The following ADRA1B variants were observed in gnomAD, a reference collection of about 807,000 sequenced individuals.
ADRA1B encodes the protein adrenoceptor alpha 1B.
In ADRA1B, 17 loss-of-function variants were observed where a neutral mutation model predicts 17.9. The observed-to-expected ratio is 0.95, with a 90% CI of 0.65 to 1.42. The LOEUF is 1.42. ADRA1B is among the 40% of genes most tolerant of loss of function. The probability of loss-of-function intolerance (pLI) is 0.00; values close to 1 mark genes in which losing one functional copy is unlikely to be tolerated. For missense variants in ADRA1B, 681 were observed against 722.1 expected (o/e 0.94, Z 0.65); for synonymous variants, 366 against 327.6 (o/e 1.12, Z -1.27).
At chr5:159,951,587 G>C in intron 1 of ADRA1B, 1 of 468,374 alleles carries the variant, frequency 2.1e-6, no homozygotes, top group South Asian at 2.0e-5. Flanking sequence ...GGAGAATTTA[G>C]CACGGTCTGG....
At chr5:159,925,452 T>A (rs75398586) in intron 1 of ADRA1B, among the ~76,000 whole-genome samples, 4,043 of 152,290 alleles carry the variant, frequency 0.027, 80 homozygotes, top group Non-Finnish European at 0.036. Context: ...TTTAGAGGAC[T>A]TTTTTACAGT....
At chr5:159,912,064 G>A (rs1754231707), upstream of ADRA1B, among the ~76,000 whole-genome samples, 3 of 152,122 alleles carry the variant, frequency 2.0e-5, no homozygotes, top group Admixed American at 2.0e-4. Context: ...TGTACAGAAG[G>A]CACTTTGGGC....
At chr5:159,958,231 G>T (rs1755601701) in intron 1 of ADRA1B, among the ~76,000 whole-genome samples, 1 of 152,034 alleles carries the variant, frequency 6.6e-6, no homozygotes, top group South Asian at 2.1e-4. Flanking sequence ...TTATTTTAAT[G>T]TAAGAAATAA....
intron 1 of ADRA1B, among the ~76,000 whole-genome samples, chr5:159,939,328 C>CGT (rs1561600759): frequency 8.1e-5 from 10 of 123,960 alleles, no homozygotes; most frequent in South Asian, 2.4e-4. Flanking sequence ...TGTGTGCGCG[C>CGT]GCGCGCGCAC....
intron 1 of ADRA1B, among the ~76,000 whole-genome samples, chr5:159,886,361 T>C (rs1388260821): frequency 6.6e-6 from 1 of 152,192 alleles, no homozygotes; most frequent in African/African-American, 2.4e-5. Context: ...AAGAGAGACA[T>C]GTGAATCTCC....
chr5:159,929,089 A>G (rs1754734618), intron 1 of ADRA1B: 1 of 152,170 alleles, frequency 6.6e-6, no homozygotes, highest in Non-Finnish European at 1.5e-5. Flanking sequence ...TGGCAATCTG[A>G]TGAAGCCCCT....
At chr5:159,870,566 C>T (rs147143022) in intron 1 of ADRA1B, 100 of 152,210 alleles carry the variant, frequency 6.6e-4, no homozygotes, top group African/African-American at 2.4e-3. Context: ...TGTATAAACT[C>T]CTGTAAGTGA....
chr5:159,913,941 G>A (rs1286275710), upstream of ADRA1B, among the ~76,000 whole-genome samples: 1 of 152,086 alleles, frequency 6.6e-6, no homozygotes, highest in East Asian at 1.9e-4. Flanking sequence ...CAGGTTACTG[G>A]TATTCTCTTC....
intron 1 of ADRA1B, among the ~76,000 whole-genome samples, chr5:159,936,790 C>G (rs1209017118): frequency 1.3e-5 from 2 of 152,150 alleles, no homozygotes; most frequent in Admixed American, 6.5e-5. Context: ...CTCAGGAAGC[C>G]ACAGAGGCAG....
intron 1 of ADRA1B, among the ~76,000 whole-genome samples, chr5:159,933,769 T>G (rs1754876181): frequency 6.6e-6 from 1 of 152,228 alleles, no homozygotes. Flanking sequence ...GCAGCCCACA[T>G]CAGTGGTTTG....
intron 1 of ADRA1B, chr5:159,866,798 A>C (rs565823665): frequency 1.3e-5 from 2 of 152,180 alleles, no homozygotes; most frequent in East Asian, 3.9e-4. Flanking sequence ...AGTTCAGAAC[A>C]CTCTTAACAG....
chr5:159,967,623 CAA>C lies in ADRA1B; in HGVS notation c.950-4255_950-4254del, dbSNP rs1722306487. ...TTCTAAAGCTGAACAGCCAATAACT[CAA>C]GAGAGGTTTCAATACGGGTCTGTGT... is the stretch of plus-strand genomic sequence containing the variant. On this transcript the variant is annotated intron_variant, in intron 1 of 1. Transcript: ENST00000306675. Among the ~76,000 whole-genome samples the C allele has an allele frequency of 2.0e-5, 3 of 152,084 alleles. No individual in the cohort carries two copies. The South Asian group carries it at 6.2e-4, about 32-fold the overall frequency.
chr5:159,958,512 C>T (rs1191063180), intron 1 of ADRA1B, among the ~76,000 whole-genome samples: 1 of 152,136 alleles, frequency 6.6e-6, no homozygotes, highest in Admixed American at 6.5e-5. Context: ...TACCCATTTT[C>T]CTCATACCCA....
intron 1 of ADRA1B, among the ~76,000 whole-genome samples, chr5:159,893,669 G>A (rs150922078): frequency 3.3e-5 from 5 of 152,274 alleles, no homozygotes; most frequent in Admixed American, 6.5e-5. Flanking sequence ...TTTCTGCTGC[G>A]TGCAAGATGC....
chr5:159,866,241 C>T (rs558415082), intron 1 of ADRA1B, among the ~76,000 whole-genome samples: 2 of 148,582 alleles, frequency 1.3e-5, no homozygotes, highest in South Asian at 2.1e-4. Flanking sequence ...GGGAGGTCAA[C>T]GCTGCAGTGA....
At chr5:159,913,687 A>G (rs1027207612), upstream of ADRA1B, among the ~76,000 whole-genome samples, 1 of 152,124 alleles carries the variant, frequency 6.6e-6, no homozygotes, top group Non-Finnish European at 1.5e-5. Flanking sequence ...GCCTTTTGCC[A>G]CCACAGAAAA....
intron 1 of ADRA1B, among the ~76,000 whole-genome samples, chr5:159,934,763 C>A (rs1392413069): frequency 6.6e-6 from 1 of 150,632 alleles, no homozygotes; most frequent in Non-Finnish European, 1.5e-5. Flanking sequence ...TTGCAGTAAG[C>A]GCCGAGATTG....
chr5:159,906,241 G>A (rs1450766309), intron 1 of ADRA1B, among the ~76,000 whole-genome samples: 3 of 152,164 alleles, frequency 2.0e-5, no homozygotes, highest in African/African-American at 7.2e-5. Flanking sequence ...CATCCTATAA[G>A]AATCCTCTCT....
chr5:159,914,122 C>G (rs1754255063), upstream of ADRA1B, among the ~76,000 whole-genome samples: 2 of 152,190 alleles, frequency 1.3e-5, no homozygotes. Flanking sequence ...CCACTTTATC[C>G]AGCAAGAGAA....
Sources: allele counts gnomAD v4.1 joint callset (sites outside exome capture counted in the v4.1 genomes callset), GRCh38; gene constraint gnomAD v4.1.1; transcripts MANE v1.5; gene names NCBI Gene and HGNC (gene_info 2026-07-23, HGNC 2026-07-21).